PCNP: variants seen among roughly 807,000 people sequenced by gnomAD.
The protein encoded by PCNP is PEST proteolytic signal containing nuclear protein.
In PCNP, 6 loss-of-function variants were observed where a neutral mutation model predicts 21.8. That is an observed-to-expected ratio of 0.28 (90% confidence interval 0.15 to 0.54). PCNP has a LOEUF of 0.54. Among genes scored for constraint, PCNP ranks in the 20% least tolerant of loss-of-function variants. The pLI, the probability that PCNP is intolerant of heterozygous loss-of-function variation, is 0.95. For synonymous variants in PCNP, 67 were observed against 73.2 expected (o/e 0.92, Z 0.43); for missense variants, 161 against 215.5 (o/e 0.75, Z 1.58).
Position 101,585,421 on chromosome 3 carries a change from TA to T in PCNP, c.280-15del, listed in dbSNP as rs1559961635. ...GTTATCTACATGATATTCTTTTTAA[TA>T]TGTTTCTTCTTCAGAAGCCTAAAGA... On this transcript the variant is annotated splice_polypyrimidine_tract_variant and intron_variant, in intron 2 of 4. Coordinates refer to ENST00000265260, the MANE Select transcript of PCNP (RefSeq NM_020357.3). 5 of 1,465,112 alleles carry T rather than the reference TA, an allele frequency of 3.4e-6. No individual in the cohort carries two copies. The highest frequency in any genetic ancestry group is 4.7e-6 in the Non-Finnish European group (5 of 1,057,026). The allele number at this position is 1,465,112 out of a possible 1,614,324, so 90.8% of individuals were successfully genotyped here.
rs1935946906 is a variant in PCNP at position 101,594,173 on chromosome 3, G to T, written c.*1420G>T. The T allele has an allele frequency of 6.6e-6, 1 of 152,470 alleles. No individual in the cohort carries two copies. Among genetic ancestry groups the T allele is most frequent in the South Asian group, 2.1e-4 (1 of 4,820 alleles). 9.4% of individuals were successfully genotyped at this position (152,470 alleles called of 1,614,324 possible). A position where few individuals can be genotyped will look rare whatever the true frequency, so the allele number is the denominator to read the frequency against. On this transcript the variant is annotated 3_prime_UTR_variant, in exon 5 of 5. Coordinates refer to ENST00000265260, the MANE Select transcript of PCNP (RefSeq NM_020357.3). ...CTTTGTTCACTAGCATTTAAGTTTA[G>T]AATAAGCCCAAGTAAGACAATGGAA...
chr3:101,577,389 A>T (rs1487877340), intron 1 of PCNP, among the ~76,000 whole-genome samples: 1 of 152,202 alleles, frequency 6.6e-6, no homozygotes, highest in Non-Finnish European at 1.5e-5. Flanking sequence ...TAGGGTCTTG[A>T]ATACCTTCTC....
chr3:101,574,450 G>C (rs1934746143), intron 1 of PCNP, among the ~76,000 whole-genome samples, 171 bp downstream of exon 1: 2 of 152,178 alleles, frequency 1.3e-5, no homozygotes, highest in African/African-American at 4.8e-5. Flanking sequence ...TCTGGGCTCC[G>C]GGCCTACATC....
chr3:101,580,326 G>A (rs1442755209), intron 2 of PCNP, among the ~76,000 whole-genome samples: 1 of 152,100 alleles, frequency 6.6e-6, no homozygotes, highest in African/African-American at 2.4e-5. Context: ...AAGACTTGGG[G>A]AGGCCAAAGT....
chr3:101,587,982 G>T (rs755206693), intron 3 of PCNP, among the ~76,000 whole-genome samples: 5 of 152,122 alleles, frequency 3.3e-5, no homozygotes, highest in Non-Finnish European at 5.9e-5. Context: ...TTTTGAAAAT[G>T]GAGAAATTGA....
At chr3:101,584,784 C>T (rs2108283440) in intron 2 of PCNP, among the ~76,000 whole-genome samples, 1 of 152,106 alleles carries the variant, frequency 6.6e-6, no homozygotes, top group South Asian at 2.1e-4. Context: ...GGGTAGATCA[C>T]GAGGTCAGGA....
At chr3:101,582,334 T>G (rs1403335622) in intron 2 of PCNP, among the ~76,000 whole-genome samples, 1 of 152,072 alleles carries the variant, frequency 6.6e-6, no homozygotes, top group African/African-American at 2.4e-5. Flanking sequence ...GCGCCTGTAG[T>G]CCCAGCTACT....
At position 101,592,893 on chromosome 3, in the gene PCNP, A is replaced by T. The variant is rs1935891774; in HGVS notation, c.*140A>T. 3.6e-6 allele frequency: 2 copies of T among 548,372 alleles called. No individual in the cohort carries two copies. The highest frequency in any genetic ancestry group is 1.1e-4 in the South Asian group (2 of 18,574). The allele number at this position is 548,372 out of a possible 1,614,324, so 34.0% of individuals were successfully genotyped here. On this transcript the variant is annotated 3_prime_UTR_variant, in exon 5 of 5. Coordinates refer to ENST00000265260, the MANE Select transcript of PCNP (RefSeq NM_020357.3). The stretch of plus-strand genomic sequence containing the variant: ...TTTTAAAAGATTGAGTGGTACACTA[A>T]TAAATGAGAGTTTGAAATTAGAGGT...
intron 3 of PCNP, among the ~76,000 whole-genome samples, chr3:101,589,040 G>A (rs1021659245): frequency 6.6e-6 from 1 of 152,164 alleles, no homozygotes; most frequent in African/African-American, 2.4e-5. Context: ...ATTAACATCT[G>A]TTGATAATTC....
chr3:101,593,581 A>C lies in PCNP; in HGVS notation c.*828A>C, dbSNP rs930394173. The C allele has an allele frequency of 6.6e-6, 1 of 152,600 alleles. No individual in the cohort carries two copies. The highest frequency in any genetic ancestry group is 1.5e-5 in the Non-Finnish European group (1 of 68,012). The allele number at this position is 152,600 out of a possible 1,614,324, so 9.5% of individuals were successfully genotyped here. ...ACCACCACCAAAAATTTAAATGTACATATTGCTTAAGTATTTGGCTGTTTT... is the reference window on the plus strand; with the variant it reads ...ACCACCACCAAAAATTTAAATGTACCTATTGCTTAAGTATTTGGCTGTTTT... On this transcript the variant is annotated 3_prime_UTR_variant, in exon 5 of 5. Coordinates refer to ENST00000265260, the MANE Select transcript of PCNP (RefSeq NM_020357.3).
intron 1 of PCNP, 42 bp downstream of exon 1, chr3:101,574,321 G>A (rs761170446): frequency 1.3e-6 from 2 of 1,510,896 alleles, no homozygotes; most frequent in East Asian, 5.2e-5. Flanking sequence ...GGGATGCTCC[G>A]GGCCTTTCTT....
chr3:101,591,143 C>A (rs2108293307), intron 4 of PCNP, among the ~76,000 whole-genome samples: 1 of 152,240 alleles, frequency 6.6e-6, no homozygotes, highest in South Asian at 2.1e-4. Flanking sequence ...GACTTAGATG[C>A]CAAATACCAA....
chr3:101,576,812 T>A lies in PCNP; in HGVS notation c.64+2533T>A, dbSNP rs1576604126. 23 of 1,610,378 alleles carry A rather than the reference T, an allele frequency of 1.4e-5. No individual in the cohort carries two copies. In the East Asian group the frequency reaches 5.1e-4, roughly 36 times the overall value. Reference sequence around the variant, plus strand: ...TTGGTGAGGTCAGTGTCTGCTTTCCTCAACACCACATGAGCATATCTTCGG... The same window carrying A: ...TTGGTGAGGTCAGTGTCTGCTTTCCACAACACCACATGAGCATATCTTCGG... On this transcript the variant is annotated intron_variant, in intron 1 of 4. Transcript: ENST00000265260.
At chr3:101,578,894 A>C (rs1205746097) in intron 1 of PCNP, among the ~76,000 whole-genome samples, 1 of 152,210 alleles carries the variant, frequency 6.6e-6, no homozygotes, top group Non-Finnish European at 1.5e-5. Context: ...AGAAAATAAA[A>C]GTTTTAATCA....
At chr3:101,580,614 G>A (rs1016961991) in intron 2 of PCNP, among the ~76,000 whole-genome samples, 4 of 152,012 alleles carry the variant, frequency 2.6e-5, no homozygotes, top group Non-Finnish European at 5.9e-5. Flanking sequence ...TCTTACTTTG[G>A]AACGACAAAT....
rs959161024 is a variant in PCNP, at chr3:101,594,448, A to G, written c.*1695A>G. On this transcript the variant is annotated 3_prime_UTR_variant, in exon 5 of 5. Coordinates refer to ENST00000265260, the MANE Select transcript of PCNP (RefSeq NM_020357.3). The stretch of plus-strand genomic sequence containing the variant: ...ATTTGTCAAACTCAATAGTGTTTTT[A>G]TTTTCTATTCCATTTAATTGTTGCT... 6.6e-6 allele frequency: 1 copy of G among 152,252 alleles called. No homozygotes were observed. The highest frequency in any genetic ancestry group is 2.4e-5 in the African/African-American group (1 of 41,450). The allele number at this position is 152,252 out of a possible 1,614,324, so 9.4% of individuals were successfully genotyped here. A position where few individuals can be genotyped will look rare whatever the true frequency, so the allele number is the denominator to read the frequency against.
intron 4 of PCNP, among the ~76,000 whole-genome samples, chr3:101,591,085 A>G (rs1935779349): frequency 6.6e-6 from 1 of 152,178 alleles, no homozygotes; most frequent in South Asian, 2.1e-4. Context: ...CACTTCACTT[A>G]CGATATAATT....
intron 4 of PCNP, among the ~76,000 whole-genome samples, chr3:101,592,079 C>A (rs1409347409): frequency 6.6e-6 from 1 of 152,156 alleles, no homozygotes; most frequent in Non-Finnish European, 1.5e-5. Flanking sequence ...GATTTATCCT[C>A]ACCCCCAATT....
chr3:101,575,614 G>C (rs552318582), intron 1 of PCNP, among the ~76,000 whole-genome samples: 7 of 151,990 alleles, frequency 4.6e-5, no homozygotes, highest in Admixed American at 4.6e-4. Flanking sequence ...TTACATAAAA[G>C]TTTAAAAGTA....
Sources: allele counts gnomAD v4.1 joint callset (sites outside exome capture counted in the v4.1 genomes callset), GRCh38; gene constraint gnomAD v4.1.1; transcripts MANE v1.5; gene names NCBI Gene and HGNC (gene_info 2026-07-23, HGNC 2026-07-21).